Variants in NAV3 observed in about 807,000 individuals in gnomAD.
The protein encoded by NAV3 is neuron navigator 3, also known as pore membrane and/or filament interacting like protein 1.
In NAV3, 87 loss-of-function variants were observed where a neutral mutation model predicts 244.7. The ratio of observed to expected loss-of-function variants is 0.36; its 90% CI spans 0.30 to 0.42. The LOEUF (loss-of-function observed/expected upper bound fraction) is 0.42. Ranked by LOEUF, NAV3 falls within the 20% of genes least tolerant of loss-of-function variation. The pLI is 1.00. For missense variants in NAV3, 2,663 were observed against 2,893.3 expected, an observed-to-expected ratio of 0.92 and a Z score of 1.83; for synonymous variants, 1,126 against 1,042.2, an observed-to-expected ratio of 1.08 and a Z score of -1.55.
chr12:77,806,531 CTGTT>C (rs1344022232), intron 2 of NAV3, among the ~76,000 whole-genome samples: 1 of 152,134 alleles, frequency 6.6e-6, no homozygotes, highest in African/African-American at 2.4e-5. Context: ...GTCTGAGAGA[CTGTT>C]TGTTTTGATT....
chr12:78,125,781 T>G (rs993592890), intron 16 of NAV3, among the ~76,000 whole-genome samples: 1 of 152,206 alleles, frequency 6.6e-6, no homozygotes, highest in African/African-American at 2.4e-5. Flanking sequence ...AAATAAAGCT[T>G]TAAATTATTA....
chr12:77,919,381 T>C (rs1465113911), intron 1 of NAV3, among the ~76,000 whole-genome samples: 1 of 152,070 alleles, frequency 6.6e-6, no homozygotes, highest in Non-Finnish European at 1.5e-5. Flanking sequence ...AGCTCAATTG[T>C]ATGTTACTAC....
chr12:78,073,024 A>G (rs1343481057), intron 12 of NAV3, among the ~76,000 whole-genome samples: 5 of 141,116 alleles, frequency 3.5e-5, no homozygotes, highest in African/African-American at 7.6e-5. Flanking sequence ...TTAGGTATTG[A>G]TGGGACGTAT....
At chr12:77,909,177 G>C (rs1001826480) in intron 1 of NAV3, among the ~76,000 whole-genome samples, 2 of 152,004 alleles carry the variant, frequency 1.3e-5, no homozygotes, top group Non-Finnish European at 2.9e-5. Flanking sequence ...ACATTATTGG[G>C]TATAGGATTT....
chr12:77,842,376 T>A (rs1875820885), intron 1 of NAV3, among the ~76,000 whole-genome samples: 1 of 151,990 alleles, frequency 6.6e-6, no homozygotes, highest in African/African-American at 2.4e-5. Context: ...TCTCTCTTGG[T>A]CCTGCACCCT....
At chr12:77,719,366 G>T (rs975788949) in intron 2 of NAV3, among the ~76,000 whole-genome samples, 65 of 150,178 alleles carry the variant, frequency 4.3e-4, no homozygotes, top group Non-Finnish European at 2.5e-4. Context: ...GTGAGAGTAG[G>T]AATCTTTGCC....
Position 77,647,473 on chromosome 12 carries a change from G to GT in NAV3, c.72+75216dup, listed in dbSNP as rs377328525. On this transcript the variant is annotated intron_variant, in intron 2 of 8. Transcript: ENST00000550042. ...CATGCTTTTTTTTTGTTTTGTTTTT[G>GT]TTTTTTTTTGCCCAAACTAGATGAA... Among the ~76,000 whole-genome samples the GT allele has an allele frequency of 5.1e-3, 743 of 146,130 alleles. 5 individuals are homozygous for GT. Among genetic ancestry groups the GT allele is most frequent in the African/African-American group, 0.018 (699 of 39,832 alleles).
chr12:77,711,848 C>T (rs1261814602), intron 2 of NAV3, among the ~76,000 whole-genome samples: 1 of 152,136 alleles, frequency 6.6e-6, no homozygotes, highest in Non-Finnish European at 1.5e-5. Context: ...AGGTTGTTTC[C>T]CATTTGTCTT....
At chr12:77,767,184 A>G (rs1869821630) in intron 2 of NAV3, among the ~76,000 whole-genome samples, 1 of 152,194 alleles carries the variant, frequency 6.6e-6, no homozygotes, top group Admixed American at 6.5e-5. Flanking sequence ...TGAACTCACT[A>G]AGTCTTAACT....
chr12:77,610,429 G>A (rs1034660365), intron 2 of NAV3, among the ~76,000 whole-genome samples: 2 of 151,974 alleles, frequency 1.3e-5, no homozygotes, highest in Admixed American at 6.6e-5. Context: ...GTTTGCTAAT[G>A]GGCAAATAAA....
intron 2 of NAV3, among the ~76,000 whole-genome samples, chr12:77,605,525 G>A (rs553925062): frequency 1.3e-5 from 2 of 152,094 alleles, no homozygotes; most frequent in East Asian, 3.9e-4. Flanking sequence ...AATGTGTGTT[G>A]GAACTTCTTT....
At chr12:77,952,599 C>G (rs542597602) in intron 3 of NAV3, among the ~76,000 whole-genome samples, 1 of 152,180 alleles carries the variant, frequency 6.6e-6, no homozygotes, top group South Asian at 2.1e-4. Flanking sequence ...GGTCTTTTGA[C>G]TCTTCATATA....
intron 2 of NAV3, among the ~76,000 whole-genome samples, chr12:77,751,845 A>G (rs1307302136): frequency 6.6e-6 from 1 of 152,204 alleles, no homozygotes; most frequent in African/African-American, 2.4e-5. Flanking sequence ...CCGAGCTTAT[A>G]CGCAGTTGTT....
chr12:77,893,404 G>A (rs1884181557), intron 1 of NAV3, among the ~76,000 whole-genome samples: 1 of 152,050 alleles, frequency 6.6e-6, no homozygotes, highest in Admixed American at 6.6e-5. Context: ...TGAGAGAAGG[G>A]ATTGAGATTG....
At chr12:77,771,520 T>A (rs1001813882) in intron 2 of NAV3, among the ~76,000 whole-genome samples, 2 of 152,076 alleles carry the variant, frequency 1.3e-5, no homozygotes, top group Non-Finnish European at 2.9e-5. Flanking sequence ...AACCCAAATG[T>A]CCCACAATGA....
intron 12 of NAV3, among the ~76,000 whole-genome samples, chr12:78,067,040 G>T (rs1279993957): frequency 6.6e-6 from 1 of 152,098 alleles, no homozygotes; most frequent in Non-Finnish European, 1.5e-5. Context: ...AGACCTTTAT[G>T]ATTTCCAAGC....
intron 1 of NAV3, among the ~76,000 whole-genome samples, chr12:77,858,406 A>T (rs1392922994): frequency 1.3e-5 from 2 of 152,062 alleles, no homozygotes; most frequent in African/African-American, 4.8e-5. Flanking sequence ...AGATTTCCAG[A>T]AGTTCAACAA....
chr12:77,969,328 TATCA>T (rs1004902341), intron 5 of NAV3, among the ~76,000 whole-genome samples: 1 of 152,110 alleles, frequency 6.6e-6, no homozygotes, highest in Admixed American at 6.6e-5. Context: ...TATAGAATTA[TATCA>T]ATCAGTGTTC....
chr12:77,884,786 CAACTT>C (rs1192401945), intron 1 of NAV3, among the ~76,000 whole-genome samples: 3 of 152,226 alleles, frequency 2.0e-5, no homozygotes, highest in Admixed American at 1.3e-4. Flanking sequence ...TTAATCCACT[CAACTT>C]AACACCTAAA....
Sources: gnomAD v4.1 joint callset for allele counts (sites outside exome capture counted in the v4.1 genomes callset) on GRCh38, gnomAD v4.1.1 for gene constraint, MANE v1.5 for transcripts, NCBI Gene and HGNC (gene_info 2026-07-23, HGNC 2026-07-21) for gene names.